SYN3: variants seen among roughly 807,000 people sequenced by gnomAD.
SYN3 encodes synapsin-3.
A neutral mutation model predicts 65.8 loss-of-function variants in SYN3; 35 were observed. The ratio of observed to expected loss-of-function variants is 0.53; its 90% confidence interval spans 0.41 to 0.70. The LOEUF (loss-of-function observed/expected upper bound fraction) is 0.70. Ranked by LOEUF, SYN3 falls within the 30% of genes least tolerant of loss-of-function variation. The pLI is 0.00. For missense variants in SYN3, 680 were observed against 749.0 expected, an observed-to-expected ratio of 0.91 and a Z score of 1.08; for synonymous variants, 270 against 292.9, an observed-to-expected ratio of 0.92 and a Z score of 0.80.
chr22:32,756,782 A>G (rs1263628971), intron 6 of SYN3, among the ~76,000 whole-genome samples: 1 of 152,212 alleles, frequency 6.6e-6, no homozygotes, highest in African/African-American at 2.4e-5. Flanking sequence ...GAAACTGAGC[A>G]GGTGTCGGGG....
At chr22:32,729,060 TTTTA>T (rs1427698426) in intron 6 of SYN3, among the ~76,000 whole-genome samples, 3 of 152,050 alleles carry the variant, frequency 2.0e-5, no homozygotes, top group African/African-American at 4.8e-5. Flanking sequence ...AGCCAGACAG[TTTTA>T]TTTATTTTCT....
chr22:32,598,378 G>T (rs2059233378), intron 6 of SYN3, among the ~76,000 whole-genome samples: 1 of 152,260 alleles, frequency 6.6e-6, no homozygotes, highest in African/African-American at 2.4e-5. Context: ...ACTCAAGTGA[G>T]TTGCTGGGAA....
chr22:33,039,213 C>T lies in SYN3; in HGVS notation c.-163+19079G>A, dbSNP rs77862510. Among the ~76,000 whole-genome samples, 1,132 of 152,172 alleles carry T rather than the reference C, an allele frequency of 7.4e-3. 17 individuals carry two copies. Among genetic ancestry groups the T allele is most frequent in the African/African-American group, 0.026 (1,086 of 41,530 alleles). ...GTGAGAAAGCATGTCTAAGGTCACC[C>T]GGGCAGTACGGTGTGGAGCCAGCAT... On this transcript the variant is annotated intron_variant, in intron 1 of 13. Transcript: ENST00000358763.
intron 6 of SYN3, among the ~76,000 whole-genome samples, chr22:32,751,538 G>A (rs566396204): frequency 2.6e-5 from 4 of 152,280 alleles, no homozygotes; most frequent in East Asian, 3.9e-4. Flanking sequence ...ATTGTCAGTC[G>A]CGTACAGGCC....
intron 4 of SYN3, among the ~76,000 whole-genome samples, chr22:32,924,396 T>C (rs571759311): frequency 2.6e-5 from 4 of 152,254 alleles, no homozygotes; most frequent in South Asian, 4.1e-4. Flanking sequence ...ACAGAATAAA[T>C]CTCAACAGCC....
chr22:32,818,541 G>T (rs951384487), intron 6 of SYN3, among the ~76,000 whole-genome samples: 1 of 152,144 alleles, frequency 6.6e-6, no homozygotes, highest in Non-Finnish European at 1.5e-5. Context: ...TCAGACTCTC[G>T]CTTTCAGAGT....
intron 6 of SYN3, among the ~76,000 whole-genome samples, chr22:32,679,839 C>CTTTTTTTTTTTTTTTTTCTTTTTTTT (rs2060498384): frequency 2.6e-5 from 1 of 39,150 alleles, no homozygotes; most frequent in Non-Finnish European, 4.6e-5. Flanking sequence ...TGTTTTTTGG[C>CTTTTTTTTTTTTTTTTTCTTTTTTTT]TTTTTTTTTT....
rs564784753 is a variant in SYN3, at chr22:32,817,477, G to A, written c.711+47438C>T. Among the ~76,000 whole-genome samples, 30 of 152,282 alleles carry A rather than the reference G, an allele frequency of 2.0e-4. No homozygotes were observed. In the East Asian group the frequency reaches 2.9e-3, roughly 15 times the overall value. ...TGCCCACTTGCCTGCCATTGTGATTGCTGAGTAGGGAAGAAGAAATTAGGA... is the reference window on the plus strand; with the variant it reads ...TGCCCACTTGCCTGCCATTGTGATTACTGAGTAGGGAAGAAGAAATTAGGA... On this transcript the variant is annotated intron_variant, in intron 6 of 13. Transcript: ENST00000358763.
intron 3 of SYN3, among the ~76,000 whole-genome samples, chr22:32,945,465 T>G (rs1342115724): frequency 6.6e-6 from 1 of 152,120 alleles, no homozygotes; most frequent in Non-Finnish European, 1.5e-5. Flanking sequence ...TAATAAATGG[T>G]GCTGGGAAAA....
At chr22:32,760,907 C>G (rs1366823523) in intron 6 of SYN3, among the ~76,000 whole-genome samples, 1 of 152,234 alleles carries the variant, frequency 6.6e-6, no homozygotes. Context: ...ACTGCCCAGG[C>G]AGCTGGTCCA....
Position 32,659,639 on chromosome 22 carries a change from G to A in SYN3, c.712-62903C>T, listed in dbSNP as rs929545871. ...CCTAGGAGCACAGGATAGTATTAGA[G>A]TCCTTGAAAAGGTGTTTCAGATATT... On this transcript the variant is annotated intron_variant, in intron 6 of 13. Transcript: ENST00000358763. Among the ~76,000 whole-genome samples, 3 of 152,330 alleles carry A rather than the reference G, an allele frequency of 2.0e-5. 1 individual carries two copies. Among genetic ancestry groups the A allele is most frequent in the Non-Finnish European group, 1.5e-5 (1 of 68,034 alleles).
intron 6 of SYN3, among the ~76,000 whole-genome samples, chr22:32,628,145 G>T (rs1435629917): frequency 6.6e-6 from 1 of 152,022 alleles, no homozygotes; most frequent in Non-Finnish European, 1.5e-5. Flanking sequence ...TTTTACCAGG[G>T]GTCCAGGGAG....
intron 2 of SYN3, among the ~76,000 whole-genome samples, chr22:32,993,534 T>TG (rs1240934087): frequency 6.6e-6 from 1 of 152,130 alleles, no homozygotes; most frequent in Non-Finnish European, 1.5e-5. Context: ...TTAGTAGAGA[T>TG]GGGGTTTCAC....
intron 3 of SYN3, among the ~76,000 whole-genome samples, chr22:32,945,384 C>A (rs1373784728): frequency 6.6e-6 from 1 of 152,074 alleles, no homozygotes; most frequent in East Asian, 1.9e-4. Context: ...AGAAATAATA[C>A]CACACATCTA....
chr22:32,645,148 A>C (rs2059964619), intron 6 of SYN3, among the ~76,000 whole-genome samples: 1 of 152,196 alleles, frequency 6.6e-6, no homozygotes, highest in African/African-American at 2.4e-5. Flanking sequence ...TAAGAAAATT[A>C]AGAAGGCAAG....
At chr22:32,610,284 G>GCCC (rs201871282) in intron 6 of SYN3, among the ~76,000 whole-genome samples, 1 of 150,954 alleles carries the variant, frequency 6.6e-6, no homozygotes, top group African/African-American at 2.4e-5. Context: ...CTGTCCCCCT[G>GCCC]CCCCCCCCAA....
chr22:33,038,211 C>G (rs1313146639), intron 1 of SYN3, among the ~76,000 whole-genome samples: 2 of 152,196 alleles, frequency 1.3e-5, no homozygotes, highest in Non-Finnish European at 2.9e-5. Context: ...GGCCAGGCAC[C>G]AGGATCCCTA....
At chr22:32,922,153 TGTC>T (rs1473379252) in intron 4 of SYN3, among the ~76,000 whole-genome samples, 7 of 152,198 alleles carry the variant, frequency 4.6e-5, no homozygotes, top group Non-Finnish European at 8.8e-5. Context: ...TTTTCTTCCA[TGTC>T]GTTGTTCGAT....
At chr22:32,811,158 C>T (rs992037616) in intron 6 of SYN3, among the ~76,000 whole-genome samples, 3 of 151,594 alleles carry the variant, frequency 2.0e-5, no homozygotes, top group African/African-American at 4.9e-5. Flanking sequence ...ACTGACTATA[C>T]GGTAATAAAA....
Sources: allele counts gnomAD v4.1 joint callset (sites outside exome capture counted in the v4.1 genomes callset), GRCh38; gene constraint gnomAD v4.1.1; transcripts MANE v1.5; gene names NCBI Gene and HGNC (gene_info 2026-07-23, HGNC 2026-07-21).